Variants in MEF2C observed in about 807,000 individuals in gnomAD.
MEF2C encodes the protein myocyte enhancer factor 2C.
MEF2C carries 6 observed loss-of-function variants against 50.5 expected under a neutral mutation model. The ratio of observed to expected loss-of-function variants is 0.12; its 90% CI spans 0.07 to 0.23. The LOEUF is 0.23. Among genes scored for constraint, MEF2C ranks in the 10% least tolerant of loss-of-function variants. The probability of loss-of-function intolerance (pLI) is 1.00; values close to 1 mark genes in which losing one functional copy is unlikely to be tolerated. For synonymous variants in MEF2C, 183 were observed against 228.0 expected, an observed-to-expected ratio of 0.80 and a Z score of 1.78; for missense variants, 276 against 605.0, an observed-to-expected ratio of 0.46 and a Z score of 5.70.
chr5:88,744,292 G>A (rs1168702840), intron 6 of MEF2C, among the ~76,000 whole-genome samples: 1 of 152,212 alleles, frequency 6.6e-6, no homozygotes, highest in Non-Finnish European at 1.5e-5. Flanking sequence ...GGTGGCTCAC[G>A]CCTGTAATCC....
At chr5:88,777,808 T>G (rs1371441381) in intron 3 of MEF2C, among the ~76,000 whole-genome samples, 1 of 151,948 alleles carries the variant, frequency 6.6e-6, no homozygotes, top group Non-Finnish European at 1.5e-5. Flanking sequence ...GGAAGGCCCT[T>G]CACCAATATG....
chr5:88,749,406 C>T, intron 5 of MEF2C: 1 of 985,082 alleles, frequency 1.0e-6, no homozygotes, highest in South Asian at 4.7e-5. Context: ...CTAGGTTTTC[C>T]CTAAGCAGAT....
At chr5:88,870,662 A>G (rs762478486) in intron 1 of MEF2C, among the ~76,000 whole-genome samples, 3 of 152,120 alleles carry the variant, frequency 2.0e-5, no homozygotes, top group Non-Finnish European at 4.4e-5. Context: ...ATGTGTTTTA[A>G]AGGAGTTCTT....
chr5:88,849,772 TTA>T (rs1491534108), intron 1 of MEF2C, among the ~76,000 whole-genome samples: 1 of 152,130 alleles, frequency 6.6e-6, no homozygotes, highest in Middle Eastern at 3.2e-3. Flanking sequence ...CAATACTTTT[TTA>T]AAAAAACACT....
intron 5 of MEF2C, chr5:88,751,342 T>A (rs550409917): frequency 2.0e-6 from 2 of 981,814 alleles, no homozygotes; most frequent in African/African-American, 3.5e-5. Context: ...TTATTTCACA[T>A]GTCTTACAAA....
intron 2 of MEF2C, among the ~76,000 whole-genome samples, chr5:88,822,431 A>G (rs1420334690): frequency 2.0e-5 from 3 of 151,972 alleles, no homozygotes; most frequent in African/African-American, 7.2e-5. Flanking sequence ...AAAACACTAA[A>G]GGAATCCACC....
At chr5:88,730,382 C>CA in intron 7 of MEF2C, 148 bp from the exon 8 acceptor site, 1 of 850,328 alleles carries the variant, frequency 1.2e-6, no homozygotes, top group South Asian at 1.6e-5. Context: ...TAACTCCTTA[C>CA]AAAGACATTC....
chr5:88,816,661 G>T (rs776333651), intron 2 of MEF2C, among the ~76,000 whole-genome samples: 16 of 151,566 alleles, frequency 1.1e-4, no homozygotes, highest in Non-Finnish European at 1.5e-4. Context: ...TTTTAAGAAG[G>T]CATCCCCAAT....
chr5:88,752,541 A>G (rs1053478731), intron 4 of MEF2C: 5 of 899,864 alleles, frequency 5.6e-6, no homozygotes, highest in Non-Finnish European at 6.7e-6. Context: ...ATCATTTTTT[A>G]AAGTCTATGT....
chr5:88,865,987 C>G (rs1827221394), intron 1 of MEF2C, among the ~76,000 whole-genome samples: 1 of 152,046 alleles, frequency 6.6e-6, no homozygotes, highest in Non-Finnish European at 1.5e-5. Flanking sequence ...GCTCCGCCTC[C>G]TGGGTTCACG....
chr5:88,857,035 G>A (rs1398099699), intron 1 of MEF2C, among the ~76,000 whole-genome samples: 2 of 152,232 alleles, frequency 1.3e-5, no homozygotes, highest in South Asian at 2.1e-4. Context: ...ATGCCAGCCT[G>A]AGAAAGCAGC....
chr5:88,740,826 A>C (rs989379725), intron 6 of MEF2C: 3 of 985,388 alleles, frequency 3.0e-6, no homozygotes, highest in South Asian at 4.7e-5. Context: ...GACTCATTTA[A>C]TTGTTCACTT....
chr5:88,815,837 T>G (rs1019879927), intron 2 of MEF2C, among the ~76,000 whole-genome samples: 6 of 152,042 alleles, frequency 3.9e-5, no homozygotes, highest in Non-Finnish European at 8.8e-5. Context: ...CTTCTCGGTG[T>G]ATGTAGTCTA....
chr5:88,813,002 C>T (rs371789859), intron 2 of MEF2C, among the ~76,000 whole-genome samples: 3 of 152,140 alleles, frequency 2.0e-5, no homozygotes, highest in Admixed American at 6.6e-5. Context: ...TTTTAATTAA[C>T]GTAAGGACTG....
chr5:88,736,596 G>A, intron 6 of MEF2C: 3 of 971,342 alleles, frequency 3.1e-6, no homozygotes, highest in South Asian at 4.8e-5. Flanking sequence ...GCCTTAAGAG[G>A]AGTTTCAGGC....
chr5:88,902,152 G>C, intron 1 of MEF2C, among the ~76,000 whole-genome samples: 1 of 151,292 alleles, frequency 6.6e-6, no homozygotes. Context: ...TAACAGACTA[G>C]AAAAATAAAA....
intron 1 of MEF2C, chr5:88,889,178 C>G (rs1402669700): frequency 6.6e-6 from 1 of 152,160 alleles, no homozygotes; most frequent in Non-Finnish European, 1.5e-5. Context: ...AGGGACGCCT[C>G]TAGTTTGAGC....
At chr5:88,751,258 G>C (rs1581739305) in intron 5 of MEF2C, 28 of 985,302 alleles carry the variant, frequency 2.8e-5, no homozygotes, top group Non-Finnish European at 3.4e-5. Context: ...ACAACAGCAA[G>C]TAAAAGTGCA....
At chr5:88,854,751 A>C (rs146480078) in intron 1 of MEF2C, among the ~76,000 whole-genome samples, 4 of 152,350 alleles carry the variant, frequency 2.6e-5, no homozygotes, top group Middle Eastern at 3.4e-3. Flanking sequence ...AGAATAATGT[A>C]CATTTGTACA....
Sources: allele counts gnomAD v4.1 joint callset (sites outside exome capture counted in the v4.1 genomes callset), GRCh38; gene constraint gnomAD v4.1.1; transcripts MANE v1.5; gene names NCBI Gene and HGNC (gene_info 2026-07-23, HGNC 2026-07-21).